VAC14: variants seen among roughly 807,000 people sequenced by gnomAD.
The protein encoded by VAC14 is protein VAC14 homolog.
In VAC14, 47 loss-of-function variants were observed where a neutral mutation model predicts 85.3. The ratio of observed to expected loss-of-function variants is 0.55; its 90% CI spans 0.44 to 0.70. VAC14 has a LOEUF of 0.70. Among genes scored for constraint, VAC14 ranks in the 30% least tolerant of loss-of-function variants. The probability of loss-of-function intolerance (pLI) is 0.00; values close to 1 mark genes in which losing one functional copy is unlikely to be tolerated. For synonymous variants in VAC14, 447 were observed against 430.5 expected (o/e 1.04, Z -0.47); for missense variants, 861 against 1,004.3 (o/e 0.86, Z 1.93).
At chr16:70,758,083 C>T (rs2032016287) in intron 12 of VAC14, among the ~76,000 whole-genome samples, 1 of 152,010 alleles carries the variant, frequency 6.6e-6, no homozygotes, top group South Asian at 2.1e-4. Context: ...GAGTACTCAT[C>T]ATAAGTGAAT....
intron 8 of VAC14, among the ~76,000 whole-genome samples, chr16:70,781,262 C>A (rs1264640542): frequency 6.6e-6 from 1 of 152,204 alleles, no homozygotes; most frequent in Non-Finnish European, 1.5e-5. Flanking sequence ...CACCAGAAGC[C>A]AAGCAGATGC....
chr16:70,784,995 G>A (rs544134667), intron 3 of VAC14, among the ~76,000 whole-genome samples, 157 bp from the exon 4 acceptor site: 42 of 152,342 alleles, frequency 2.8e-4, no homozygotes, highest in African/African-American at 9.4e-4. Context: ...GAGAAAGGCT[G>A]GGAAAGTGGG....
At chr16:70,744,999 G>A (rs186361333) in intron 12 of VAC14, 1 of 166,294 alleles carries the variant, frequency 6.0e-6, no homozygotes, top group African/African-American at 2.4e-5. Flanking sequence ...ATGTTCTATT[G>A]TGTGCGGTAG....
At chr16:70,693,444 G>A (rs1181209784) in intron 17 of VAC14, among the ~76,000 whole-genome samples, 1 of 152,244 alleles carries the variant, frequency 6.6e-6, no homozygotes, top group Non-Finnish European at 1.5e-5. Flanking sequence ...AAAGACGGTA[G>A]ATTAGGACAG....
rs1449035960 is a variant in VAC14, at chr16:70,687,931, G to A, written c.2346C>T (p.Leu782=). ...RGDHLDRRVV[L] Reference sequence around the variant, plus strand: ...GCCCTCCTCCGTGCCAGGCCTGTCAGAGGACAACCCTCCGGTCCAGGTGGT... The same window carrying A: ...GCCCTCCTCCGTGCCAGGCCTGTCAAAGGACAACCCTCCGGTCCAGGTGGT... The change falls in exon 19 of 19, where the codon CTC becomes CTT. Residue 782 remains leucine (L), a synonymous_variant. Transcript: ENST00000261776. The A allele has an allele frequency of 1.3e-6, 2 of 1,543,848 alleles. No individual in the cohort carries two copies.
rs371620220 is a variant in VAC14, at chr16:70,692,904, G to A, written c.2103C>T (p.Leu701=). ...PYLIKALYGL[L]MLLPQSSAFQ... is the part of the protein sequence containing the mutation. Reference sequence around the variant, plus strand: ...AGGCGCTGCTCTGCGGCAGGAGCATGAGCAGGCCGTAGAGGGCCTTGATCA... The same window carrying A: ...AGGCGCTGCTCTGCGGCAGGAGCATAAGCAGGCCGTAGAGGGCCTTGATCA... Residue 701 remains leucine, a synonymous_variant, in exon 18 of 19, where the codon CTC becomes CTT. Coordinates refer to ENST00000261776, the MANE Select transcript of VAC14 (RefSeq NM_018052.5). 7.5e-6 allele frequency: 12 copies of A among 1,609,830 alleles called. No homozygotes were observed. In the Admixed American group the frequency reaches 8.4e-5, roughly 11 times the overall value.
chr16:70,719,355 A>G (rs775041267), intron 14 of VAC14, among the ~76,000 whole-genome samples: 5 of 152,252 alleles, frequency 3.3e-5, no homozygotes, highest in African/African-American at 7.2e-5. Context: ...AAAAATGCTA[A>G]CTGTAAAGAA....
chr16:70,763,552 T>C (rs1251429709), intron 10 of VAC14, among the ~76,000 whole-genome samples: 1 of 152,212 alleles, frequency 6.6e-6, no homozygotes, highest in Non-Finnish European at 1.5e-5. Flanking sequence ...AGGATGTTTC[T>C]CAAGTGAGGT....
chr16:70,762,517 T>C lies in VAC14; in HGVS notation c.1371+23A>G. The C allele has an allele frequency of 1.9e-6, 3 of 1,612,808 alleles. No individual in the cohort carries two copies. Among genetic ancestry groups the C allele is most frequent in the Non-Finnish European group, 2.5e-6 (3 of 1,178,894 alleles). On this transcript the variant is annotated intron_variant, in intron 12 of 18. Transcript: ENST00000261776. This position sits in a 1 kb window ranked among gnomAD's most constrained non-coding sequence, Gnocchi z 4.1. ...GGCAGGGCAGCCGATGTTCCATAAGTACGGGTGGCGTTGGTGACCTACCTC... is the reference window on the plus strand; with the variant it reads ...GGCAGGGCAGCCGATGTTCCATAAGCACGGGTGGCGTTGGTGACCTACCTC...
chr16:70,755,299 G>T (rs761296455), intron 12 of VAC14: 1 of 259,764 alleles, frequency 3.8e-6, no homozygotes. Context: ...GGAAGGTGCA[G>T]GAGAATGAGG....
chr16:70,792,446 G>T (rs2034381250), intron 1 of VAC14, among the ~76,000 whole-genome samples: 1 of 152,194 alleles, frequency 6.6e-6, no homozygotes, highest in African/African-American at 2.4e-5. Context: ...CCAGAGCAGG[G>T]ATCCACTTCT....
chr16:70,717,280 G>A (rs949727320), intron 14 of VAC14, among the ~76,000 whole-genome samples: 5 of 152,232 alleles, frequency 3.3e-5, no homozygotes, highest in Non-Finnish European at 7.3e-5. Context: ...GAGCCACCTG[G>A]CCACAAAGCG....
chr16:70,741,665 C>A (rs1257661198), intron 13 of VAC14, among the ~76,000 whole-genome samples: 1 of 152,240 alleles, frequency 6.6e-6, no homozygotes, highest in Non-Finnish European at 1.5e-5. Flanking sequence ...TGGCTGCAGG[C>A]ACTTCCTTGG....
In VAC14 at chr16:70,783,242, G is replaced by C. The variant is rs1203287395; in HGVS notation, c.705-103C>G. 9 of 1,318,186 alleles carry C rather than the reference G, an allele frequency of 6.8e-6. 1 individual carries two copies. The South Asian group carries it at 1.2e-4, about 18-fold the overall frequency. 81.7% of individuals were successfully genotyped at this position (1,318,186 alleles called of 1,614,324 possible). On this transcript the variant is annotated intron_variant, in intron 6 of 18. Transcript: ENST00000261776. ...TGCTGGGTCAGCCACCCAGAGGGCG[G>C]CTTGGCTTTTGGACTTGTCAGGTGA... is the stretch of plus-strand genomic sequence containing the variant.
chr16:70,737,323 CAG>C (rs2054789426), intron 13 of VAC14, among the ~76,000 whole-genome samples: 1 of 152,184 alleles, frequency 6.6e-6, no homozygotes, highest in South Asian at 2.1e-4. Context: ...CGGTTTTACT[CAG>C]GGGTGCCACT....
chr16:70,780,651 TG>T lies in VAC14; in HGVS notation c.1096+138del, dbSNP rs538478641. 663 of 1,124,480 alleles carry T rather than the reference TG, an allele frequency of 5.9e-4. 3 individuals are homozygous for T. The East Asian group carries it at 0.015, about 25-fold the overall frequency. The allele number at this position is 1,124,480 out of a possible 1,614,324, so 69.7% of individuals were successfully genotyped here. A position where few individuals can be genotyped will look rare whatever the true frequency, so the allele number is the denominator to read the frequency against. ...GGGAGAACCACTGCTGCCACTGCGC[TG>T]GGTTGCTGCTACAATTGTGTGAGTG... On this transcript the variant is annotated intron_variant, in intron 9 of 18. Coordinates refer to ENST00000261776, the MANE Select transcript of VAC14 (RefSeq NM_018052.5).
intron 13 of VAC14, 34 bp downstream of exon 13, chr16:70,744,389 C>A: frequency 6.2e-7 from 1 of 1,613,228 alleles, no homozygotes; most frequent in Middle Eastern, 1.7e-4. Context: ...GGCACTAAGG[C>A]CCCTGAGGCT....
intron 1 of VAC14, among the ~76,000 whole-genome samples, chr16:70,790,002 G>A (rs1180878966): frequency 2.0e-5 from 3 of 152,188 alleles, no homozygotes; most frequent in South Asian, 2.1e-4. Context: ...AACATTCCCC[G>A]AGCAACTGGA....
chr16:70,761,594 G>T (rs1243393899), intron 12 of VAC14, among the ~76,000 whole-genome samples: 2 of 152,194 alleles, frequency 1.3e-5, no homozygotes, highest in African/African-American at 2.4e-5. Context: ...AGTGTGGAAA[G>T]GTGTGTGTGG....
Sources: gnomAD v4.1 joint callset for allele counts (sites outside exome capture counted in the v4.1 genomes callset) on GRCh38, gnomAD v4.1.1 for gene constraint, Gnocchi (gnomAD v3.1) non-coding constraint, MANE v1.5 for transcripts, NCBI Gene and HGNC (gene_info 2026-07-23, HGNC 2026-07-21) for gene names.